TRUB1: variants seen among roughly 807,000 people sequenced by gnomAD.
TRUB1 encodes pseudouridylate synthase TRUB1.
TRUB1 carries 23 observed loss-of-function variants against 33.9 expected under a neutral mutation model. That is an observed-to-expected ratio of 0.68 (90% CI 0.49 to 0.96). The LOEUF is 0.96. Ranked by LOEUF, TRUB1 falls within the 40% of genes least tolerant of loss-of-function variation. TRUB1 has a pLI of 0.00. For missense variants in TRUB1, 378 were observed against 422.2 expected (o/e 0.90, Z 0.92); for synonymous variants, 163 against 165.4 (o/e 0.99, Z 0.11).
intron 4 of TRUB1, among the ~76,000 whole-genome samples, chr10:114,965,764 G>A (rs909526025): frequency 6.6e-6 from 1 of 151,788 alleles, no homozygotes; most frequent in Admixed American, 6.6e-5. Context: ...ATTTTTTATT[G>A]CTTATATCAA....
At chr10:114,968,095 G>C (rs1432609953) in intron 4 of TRUB1, among the ~76,000 whole-genome samples, 1 of 152,176 alleles carries the variant, frequency 6.6e-6, no homozygotes, top group Non-Finnish European at 1.5e-5. Flanking sequence ...ATGTGTGTGT[G>C]TGTAGAAATC....
chr10:114,938,553 G>T lies in TRUB1; in HGVS notation c.286+14G>T. 2.6e-6 allele frequency: 4 copies of T among 1,518,850 alleles called. No individual in the cohort carries two copies. Among genetic ancestry groups the T allele is most frequent in the African/African-American group, 2.8e-5 (2 of 71,922 alleles). 94.1% of individuals were successfully genotyped at this position (1,518,850 alleles called of 1,614,324 possible). On this transcript the variant is annotated intron_variant, in intron 1 of 7. Coordinates refer to ENST00000298746, the MANE Select transcript of TRUB1 (RefSeq NM_139169.5). ...AGCTGCTGGCAGGTACTGCAGCCCG[G>T]GTGGGGACCAGGCTGAGGCGGTCGC...
At chr10:114,951,067 C>T in intron 2 of TRUB1, 27 bp from the exon 3 acceptor site, 1 of 1,599,622 alleles carries the variant, frequency 6.3e-7, no homozygotes, top group Non-Finnish European at 8.6e-7. Context: ...AACAGAGTGT[C>T]ATAATATTTC....
intron 2 of TRUB1, among the ~76,000 whole-genome samples, chr10:114,948,008 C>T (rs1156547035): frequency 1.3e-5 from 2 of 152,204 alleles, no homozygotes; most frequent in East Asian, 3.8e-4. Context: ...AAGAGACTCT[C>T]ATCATAAACA....
Position 114,970,448 on chromosome 10 carries a change from C to T in TRUB1, c.596+8C>T. On this transcript the variant is annotated splice_region_variant and intron_variant, in intron 5 of 7. Coordinates refer to ENST00000298746, the MANE Select transcript of TRUB1 (RefSeq NM_139169.5). ...AATGCAAGTGCCCCCCCTGTAAGTT[C>T]AATTAGTAAATTTGGAAAAATGTTT... The T allele has an allele frequency of 6.3e-7, 1 of 1,593,542 alleles. No homozygotes were observed. Among genetic ancestry groups the T allele is most frequent in the African/African-American group, 1.3e-5 (1 of 74,532 alleles).
intron 4 of TRUB1, among the ~76,000 whole-genome samples, chr10:114,964,714 T>C (rs2084299146): frequency 6.6e-6 from 1 of 152,194 alleles, no homozygotes; most frequent in African/African-American, 2.4e-5. Context: ...TCCAGTTGCT[T>C]CAGCACTTTC....
intron 2 of TRUB1, among the ~76,000 whole-genome samples, chr10:114,950,853 T>C (rs1038519061): frequency 6.6e-6 from 1 of 152,244 alleles, no homozygotes; most frequent in Non-Finnish European, 1.5e-5. Context: ...TTAAGGTTTC[T>C]ACTGAGTTTA....
chr10:114,938,304 C>T lies in TRUB1; in HGVS notation c.51C>T (p.Asp17=), dbSNP rs2084168752. Residue 17 remains aspartate (D), a synonymous_variant, in exon 1 of 8, where the codon GAC becomes GAT. Transcript: ENST00000298746. The part of the protein sequence containing the change: ...AVVSSPSLKT[D]TSPVLETAGT... ...TGTCTTCGCCGTCTTTGAAAACAGA[C>T]ACATCCCCTGTCCTTGAAACTGCAG... is the stretch of plus-strand genomic sequence containing the variant. The T allele has an allele frequency of 6.2e-7, 1 of 1,614,054 alleles. No homozygotes were observed. The highest frequency in any genetic ancestry group is 1.7e-5 in the Admixed American group (1 of 60,006).
chr10:114,955,418 C>G (rs1225822828), intron 3 of TRUB1, among the ~76,000 whole-genome samples: 1 of 152,136 alleles, frequency 6.6e-6, no homozygotes, highest in Non-Finnish European at 1.5e-5. Context: ...GCTTTAGAAA[C>G]CAGATGGAAA....
chr10:114,963,262 ATGT>A (rs1271435363), intron 4 of TRUB1, among the ~76,000 whole-genome samples: 5 of 152,174 alleles, frequency 3.3e-5, no homozygotes, highest in African/African-American at 4.8e-5. Flanking sequence ...GACGTAGCTG[ATGT>A]TGTATCTAAT....
intron 4 of TRUB1, among the ~76,000 whole-genome samples, chr10:114,961,977 A>G (rs1055767703): frequency 7.9e-5 from 12 of 152,236 alleles, no homozygotes; most frequent in Admixed American, 7.2e-4. Flanking sequence ...GAATTTACTT[A>G]TACATTGAGA....
At chr10:114,974,538 G>T (rs543554832) in intron 7 of TRUB1, among the ~76,000 whole-genome samples, 153 bp downstream of exon 7, 11 of 152,198 alleles carry the variant, frequency 7.2e-5, no homozygotes, top group African/African-American at 2.4e-4. Flanking sequence ...TAGGTTTCTG[G>T]CTTGCAATTA....
chr10:114,963,478 A>G (rs1367345239), intron 4 of TRUB1, among the ~76,000 whole-genome samples: 1 of 152,248 alleles, frequency 6.6e-6, no homozygotes, highest in Non-Finnish European at 1.5e-5. Context: ...AAGTAAAGAA[A>G]ACTGAACAAA....
Position 114,975,167 on chromosome 10 carries a change from C to G in TRUB1, c.838C>G (p.Gln280Glu), listed in dbSNP as rs980159820. 5 of 1,613,408 alleles carry G rather than the reference C, an allele frequency of 3.1e-6. No homozygotes were observed. The African/African-American group carries it at 6.7e-5, about 22-fold the overall frequency. Reference sequence around the variant, plus strand: ...TGTGCTAGAGCTGACCCGAACCAAACAGGGACCATTTACGCTAGAAGAACA... The same window carrying G: ...TGTGCTAGAGCTGACCCGAACCAAAGAGGGACCATTTACGCTAGAAGAACA... Reference protein sequence around the residue: ...ANVLELTRTKQGPFTLEEHAL... With the variant: ...ANVLELTRTKEGPFTLEEHAL... The change falls in exon 8 of 8, where the codon CAG becomes GAG. Residue 280 changes from glutamine (Q) to glutamate (E), a missense_variant. Transcript: ENST00000298746.
intron 4 of TRUB1, among the ~76,000 whole-genome samples, chr10:114,962,457 T>A (rs2084288444): frequency 6.6e-6 from 1 of 152,234 alleles, no homozygotes; most frequent in Non-Finnish European, 1.5e-5. Flanking sequence ...CTGTCTGAAA[T>A]AACAGTTAAA....
intron 3 of TRUB1, among the ~76,000 whole-genome samples, chr10:114,954,706 A>G (rs1424303662): frequency 1.3e-5 from 2 of 151,922 alleles, no homozygotes; most frequent in Admixed American, 1.3e-4. Flanking sequence ...TGTGAAAAGC[A>G]TGTGAACTTT....
intron 2 of TRUB1, among the ~76,000 whole-genome samples, chr10:114,950,151 A>T (rs564608386): frequency 6.6e-6 from 1 of 151,896 alleles, no homozygotes; most frequent in African/African-American, 2.4e-5. Context: ...GCCCGCCTCA[A>T]CCTCCCAAAA....
rs1365713049 is a variant in TRUB1, at chr10:114,972,156, T to C, written c.618T>C (p.Asp206=). Residue 206 remains aspartate, a synonymous_variant, in exon 6 of 8, where the codon GAT becomes GAC. Transcript: ENST00000298746. ...CAAGCTATTCTGCATTAAAGAAAGA[T>C]GGACAAAGACTTTCGACTTTGATGA... ...VPPLYSALKK[D]GQRLSTLMKR... The C allele has an allele frequency of 3.1e-6, 5 of 1,613,324 alleles. No homozygotes were observed. Among genetic ancestry groups the C allele is most frequent in the Admixed American group, 3.3e-5 (2 of 59,800 alleles).
At chr10:114,958,089 T>A (rs2084269229) in intron 3 of TRUB1, among the ~76,000 whole-genome samples, 1 of 152,228 alleles carries the variant, frequency 6.6e-6, no homozygotes. Context: ...GATAAGGAAA[T>A]TAAGCTCCAG....
Sources: gnomAD v4.1 joint callset for allele counts (sites outside exome capture counted in the v4.1 genomes callset) on GRCh38, gnomAD v4.1.1 for gene constraint, MANE v1.5 for transcripts, NCBI Gene and HGNC (gene_info 2026-07-23, HGNC 2026-07-21) for gene names.